The following IRX4 variants were observed in gnomAD, a reference collection of about 807,000 sequenced individuals.
The protein encoded by IRX4 is iroquois homeobox 4, also known as iroquois-class homeodomain protein IRX-4.
A neutral mutation model predicts 32.0 loss-of-function variants in IRX4; 22 were observed. That is an observed-to-expected ratio of 0.69 (90% CI 0.49 to 0.98). The LOEUF (loss-of-function observed/expected upper bound fraction) is 0.98, where lower values mean the gene tolerates loss of function less well. IRX4 is among the 50% of genes least tolerant of loss of function. The pLI, the probability that IRX4 is intolerant of heterozygous loss-of-function variation, is 0.00. For missense variants in IRX4, 840 were observed against 744.2 expected, an observed-to-expected ratio of 1.13 and a Z score of -1.50; for synonymous variants, 379 against 351.7, an observed-to-expected ratio of 1.08 and a Z score of -0.87.
intron 2 of IRX4, among the ~76,000 whole-genome samples, chr5:1,881,581 A>C (rs1436988256): frequency 6.6e-6 from 1 of 151,206 alleles, no homozygotes; most frequent in Non-Finnish European, 1.5e-5. Flanking sequence ...TTAGTAGGGA[A>C]CCAAAAACAA....
At chr5:1,886,441 G>A (rs1391629129), upstream of IRX4, among the ~76,000 whole-genome samples, 1 of 152,248 alleles carries the variant, frequency 6.6e-6, no homozygotes, top group Non-Finnish European at 1.5e-5. Flanking sequence ...GAGGCCTCAC[G>A]GTCGCTGACG....
chr5:1,877,970 C>A lies in IRX4; in HGVS notation c.1559G>T (p.Ter520LeuextTer44). 1 of 1,496,164 alleles carries A rather than the reference C, an allele frequency of 6.7e-7. No individual in the cohort carries two copies. The highest frequency in any genetic ancestry group is 8.9e-7 in the Non-Finnish European group (1 of 1,128,042). The allele number at this position is 1,496,164 out of a possible 1,614,324, so 92.7% of individuals were successfully genotyped here. A position where few individuals can be genotyped will look rare whatever the true frequency, so the allele number is the denominator to read the frequency against. ...PKAGGKPFCA[*>L] ...TCCTGGGCTCGGGACCCGCCCGCCT[C>A]AGGCGCAGAAGGGTTTGCCGCCGGC... The change falls in exon 5 of 5, where the codon TGA becomes TTA. Residue 520 changes from the stop codon to leucine (L), a stop_lost. Coordinates refer to ENST00000231357, the MANE Select transcript of IRX4 (RefSeq NM_016358.3).
Position 1,879,813 on chromosome 5 carries a change from C to G in IRX4, c.427G>C (p.Gly143Arg). The G allele has an allele frequency of 6.2e-7, 1 of 1,613,970 alleles. No individual in the cohort carries two copies. The highest frequency in any genetic ancestry group is 8.5e-7 in the Non-Finnish European group (1 of 1,180,028). Residue 143 changes from glycine (G) to arginine (R), a missense_variant, in exon 4 of 5, where the codon GGC (glycine) becomes CGC (arginine). Gly to Arg is a moderately radical substitution (Grantham distance 125, BLOSUM62 -2). Transcript: ENST00000231357. ...CGCGTGGCGTTCTTGCGCCGCGTGC[C>G]GCTGTCCATGGTTCCATACCTGGAG... ...PYDRYGTMDSGTRRKNATRET... is the reference protein window; with the variant it reads ...PYDRYGTMDSRTRRKNATRET...
In IRX4 at chr5:1,878,581, C is replaced by A. The variant is rs1233038869; in HGVS notation, c.948G>T (p.Leu316=). 9.0e-6 allele frequency: 14 copies of A among 1,550,056 alleles called. No individual in the cohort carries two copies. Among genetic ancestry groups the A allele is most frequent in the African/African-American group, 1.4e-5 (1 of 73,088 alleles). Residue 316 remains leucine, a synonymous_variant, in exon 5 of 5, where the codon CTG becomes CTT. Transcript: ENST00000231357. ...TCCGGGCCCTCTCCAGGTCCTCGTC[C>A]AGAGCAGCTCCGCCACCCGCGGCCA... The part of the protein sequence containing the change: ...MSLAAGGGAA[L]DEDLERARSC...
In IRX4 at chr5:1,878,057, G is replaced by A; in HGVS notation, c.1472C>T (p.Pro491Leu). ...AGCTGGGGCGTCCTGGGGCACGGCA[G>A]GCGGAAAGGCGCGGGCCAGGGGTGC... ...LTAPLARAFP[P>L]AVPQDAPAAG... Residue 491 changes from proline to leucine, a missense_variant, in exon 5 of 5, where the codon CCT becomes CTT. This residue lies in a region of IRX4 where 585 missense variants were observed against 488.0 expected (regional missense o/e 1.20). Coordinates refer to ENST00000231357, the MANE Select transcript of IRX4 (RefSeq NM_016358.3). 2.0e-6 allele frequency: 3 copies of A among 1,512,940 alleles called. No homozygotes were observed. Among genetic ancestry groups the A allele is most frequent in the Non-Finnish European group, 1.8e-6 (2 of 1,135,652 alleles). 93.7% of individuals were successfully genotyped at this position (1,512,940 alleles called of 1,614,324 possible). A position where few individuals can be genotyped will look rare whatever the true frequency, so the allele number is the denominator to read the frequency against.
At position 1,882,752 on chromosome 5, in the gene IRX4, G is replaced by C. The variant is rs1735500385; in HGVS notation, c.-105C>G. The C allele has an allele frequency of 1.4e-6, 1 of 691,738 alleles. No homozygotes were observed. The highest frequency in any genetic ancestry group is 3.4e-5 in the East Asian group (1 of 29,054). 42.9% of individuals were successfully genotyped at this position (691,738 alleles called of 1,614,324 possible). On this transcript the variant is annotated 5_prime_UTR_variant, in exon 1 of 5. Transcript: ENST00000231357. ...GGAGCTGCAGGCTTCTAGGCGCTGG[G>C]AGGGCGAAGCAGGAGAGCCGGTTAG...
At chr5:1,884,512 C>T (rs983541569), upstream of IRX4, 1 of 152,190 alleles carries the variant, frequency 6.6e-6, no homozygotes, top group South Asian at 2.1e-4. Flanking sequence ...CGCGTTGGAC[C>T]GGAGCGGGCC....
At position 1,880,731 on chromosome 5, in the gene IRX4, TA is replaced by T. The variant is rs1463518894; in HGVS notation, c.400del (p.Tyr134MetfsTer51). 1 of 1,611,760 alleles carries T rather than the reference TA, an allele frequency of 6.2e-7. No individual in the cohort carries two copies. The highest frequency in any genetic ancestry group is 1.3e-5 in the African/African-American group (1 of 74,874). On this transcript the variant is annotated frameshift_variant, in exon 3 of 5. Coordinates refer to ENST00000231357, the MANE Select transcript of IRX4 (RefSeq NM_016358.3). LOFTEE classifies it high-confidence loss of function. ...AGGAGGGGTGGGTCCTCACCTGTCA[TA>T]GGGGTACTGGCCCAGAGCTGGCTCG... The part of the protein sequence containing the change: ...PYEPALGQYP[Y>X]DRYGTMDSGT...
chr5:1,881,347 GCAAGGAGGGGGAGGAA>G (rs1168847515), intron 2 of IRX4, among the ~76,000 whole-genome samples: 2 of 117,120 alleles, frequency 1.7e-5, no homozygotes, highest in Non-Finnish European at 3.5e-5. Context: ...TGGGGGAGGA[GCAAGGAGGGGGAGGAA>G]CAAGGAGGGG....
chr5:1,881,690 T>G, intron 2 of IRX4, 118 bp downstream of exon 2: 1 of 1,284,504 alleles, frequency 7.8e-7, no homozygotes. Flanking sequence ...GCAGCCAAGG[T>G]GAGCGCCTCC....
chr5:1,880,670 T>C, intron 3 of IRX4, 55 bp downstream of exon 3: 1 of 1,206,280 alleles, frequency 8.3e-7, no homozygotes, highest in Non-Finnish European at 1.2e-6. Context: ...AGTTGGTGGC[T>C]GACAGTGCAG....
Position 1,878,447 on chromosome 5 carries a change from C to A in IRX4, c.1082G>T (p.Gly361Val), listed in dbSNP as rs948693749. 2.7e-6 allele frequency: 4 copies of A among 1,464,684 alleles called. No homozygotes were observed. In the African/African-American group the frequency reaches 5.8e-5, roughly 21 times the overall value. 90.7% of individuals were successfully genotyped at this position (1,464,684 alleles called of 1,614,324 possible). Residue 361 changes from glycine (G) to valine (V), a missense_variant, in exon 5 of 5, where the codon GGC becomes GTC. Around this residue, in one of 3 missense-constraint regions of IRX4, gnomAD observed 585 missense variants for 488.0 expected, o/e 1.20. Coordinates refer to ENST00000231357, the MANE Select transcript of IRX4 (RefSeq NM_016358.3). ...LGFVPAGASA[G>V]LEAKPRIWSL... Reference sequence around the variant, plus strand: ...CCAGATGCGCGGCTTAGCCTCCAGGCCTGCCGACGCCCCCGCCGGCACAAA... The same window carrying A: ...CCAGATGCGCGGCTTAGCCTCCAGGACTGCCGACGCCCCCGCCGGCACAAA...
chr5:1,886,230 T>C (rs1312141287), upstream of IRX4, among the ~76,000 whole-genome samples: 2 of 152,224 alleles, frequency 1.3e-5, no homozygotes, highest in Non-Finnish European at 2.9e-5. Flanking sequence ...GGAGTTACCC[T>C]GGGGGCCACC....
At chr5:1,883,361 C>A (rs1285251053), upstream of IRX4, among the ~76,000 whole-genome samples, 1 of 152,216 alleles carries the variant, frequency 6.6e-6, no homozygotes, top group African/African-American at 2.4e-5. Flanking sequence ...GGCCCGGCCT[C>A]GCGCTGGCGC....
At chr5:1,885,440 G>C (rs10062647), upstream of IRX4, among the ~76,000 whole-genome samples, 29,336 of 152,016 alleles carry the variant, frequency 0.19, 3,012 homozygotes, top group African/African-American at 0.25. Context: ...CCCTTTCTCC[G>C]TGACCCAGAA....
In IRX4 at chr5:1,878,803, G is replaced by T. The variant is rs994402219; in HGVS notation, c.737-11C>A. 41 of 1,612,754 alleles carry T rather than the reference G, an allele frequency of 2.5e-5. No individual in the cohort carries two copies. Among genetic ancestry groups the T allele is most frequent in the Non-Finnish European group, 3.1e-5 (36 of 1,179,620 alleles). ...CTTTGCCCACGGGCTCTGCGGGAGAGAATGCGTGGCCAGTGGAGGGAGAGG... is the reference window on the plus strand; with the variant it reads ...CTTTGCCCACGGGCTCTGCGGGAGATAATGCGTGGCCAGTGGAGGGAGAGG... On this transcript the variant is annotated splice_polypyrimidine_tract_variant and intron_variant, in intron 4 of 4. Coordinates refer to ENST00000231357, the MANE Select transcript of IRX4 (RefSeq NM_016358.3).
intron 2 of IRX4, 90 bp downstream of exon 2, chr5:1,881,718 G>A: frequency 6.7e-7 from 1 of 1,492,198 alleles, no homozygotes; most frequent in South Asian, 1.2e-5. Flanking sequence ...GACAGTCCGG[G>A]GACCCGGACT....
At chr5:1,881,762 A>G in intron 2 of IRX4, 46 bp downstream of exon 2, 1 of 1,558,020 alleles carries the variant, frequency 6.4e-7, no homozygotes, top group Non-Finnish European at 8.7e-7. Flanking sequence ...GGGCTTGGCA[A>G]ATCGAGGGCC....
In IRX4 at chr5:1,877,871, G is replaced by T; in HGVS notation, c.*98C>A. On this transcript the variant is annotated 3_prime_UTR_variant, in exon 5 of 5. Coordinates refer to ENST00000231357, the MANE Select transcript of IRX4 (RefSeq NM_016358.3). ...CCCTCTCCGGTGGGTTGGCGGCTTC[G>T]CGGTGGCCGCGCTAGTCTTCCTCTG... 2 of 1,162,588 alleles carry T rather than the reference G, an allele frequency of 1.7e-6. No individual in the cohort carries two copies. The highest frequency in any genetic ancestry group is 2.5e-5 in the Admixed American group (1 of 40,366). The allele number at this position is 1,162,588 out of a possible 1,614,324, so 72.0% of individuals were successfully genotyped here.
Sources: gnomAD v4.1 joint callset for allele counts (sites outside exome capture counted in the v4.1 genomes callset) on GRCh38, gnomAD v4.1.1 for gene constraint, gnomAD v4.1.1 regional missense constraint, MANE v1.5 for transcripts, NCBI Gene and HGNC (gene_info 2026-07-23, HGNC 2026-07-21) for gene names.